The following PPP1R3A variants were observed in gnomAD, a reference collection of about 807,000 sequenced individuals.
The protein encoded by PPP1R3A is RG1.
A neutral mutation model predicts 41.7 loss-of-function variants in PPP1R3A; 29 were observed. The ratio of observed to expected loss-of-function variants is 0.70; its 90% confidence interval spans 0.52 to 0.95. The LOEUF (loss-of-function observed/expected upper bound fraction) is 0.95, where lower values mean the gene tolerates loss of function less well. Among genes scored for constraint, PPP1R3A ranks in the 40% least tolerant of loss-of-function variants. The pLI is 0.00. For missense variants in PPP1R3A, 1,352 were observed against 1,292.4 expected, an observed-to-expected ratio of 1.05 and a Z score of -0.71; for synonymous variants, 485 against 453.4, an observed-to-expected ratio of 1.07 and a Z score of -0.89.
intron 1 of PPP1R3A, among the ~76,000 whole-genome samples, chr7:113,884,288 A>T (rs918475874): frequency 6.6e-6 from 1 of 152,056 alleles, no homozygotes; most frequent in Non-Finnish European, 1.5e-5. Context: ...CAAACAGAAA[A>T]ATAAAGGGCA....
chr7:113,918,579 T>C lies in PPP1R3A; in HGVS notation c.418A>G (p.Thr140Ala), dbSNP rs201727367. The C allele has an allele frequency of 1.2e-4, 194 of 1,613,362 alleles. No individual in the cohort carries two copies. In the Admixed American group the frequency reaches 3.2e-3, roughly 27 times the overall value. The part of the protein sequence containing the change: ...LESTESLLGS[T>A]SIKGIIRVLN... ...ACTCGAATAATACCCTTGATACTTG[T>C]AGACCCAAGAAGAGACTCAGTTGAC... Residue 140 changes from threonine to alanine, a missense_variant, in exon 1 of 4, where the codon ACA becomes GCA. Coordinates refer to ENST00000284601, the MANE Select transcript of PPP1R3A (RefSeq NM_002711.4).
chr7:113,890,389 G>T (rs575795388), intron 1 of PPP1R3A, among the ~76,000 whole-genome samples: 21 of 152,128 alleles, frequency 1.4e-4, no homozygotes, highest in African/African-American at 4.8e-4. Context: ...TGGATCTACT[G>T]AATCAGCATC....
In PPP1R3A at chr7:113,882,133, T is replaced by A. The variant is rs1054166176; in HGVS notation, c.872A>T (p.His291Leu). The change falls in exon 3 of 4, where the codon CAT becomes CTT. Residue 291 changes from histidine to leucine, a missense_variant. By Grantham distance (99) the His-to-Leu change is moderately conservative (BLOSUM62 -3). Coordinates refer to ENST00000284601, the MANE Select transcript of PPP1R3A (RefSeq NM_002711.4). ...DTYIPTIICSHEDKEDLEASN... is the reference protein window; with the variant it reads ...DTYIPTIICSLEDKEDLEASN... ...GGCTTCCAAATCTTCCTTGTCCTCA[T>A]GAGAACAAATGATTGTTGGGATATA... 1 of 1,611,702 alleles carries A rather than the reference T, an allele frequency of 6.2e-7. No individual in the cohort carries two copies. The highest frequency in any genetic ancestry group is 8.5e-7 in the Non-Finnish European group (1 of 1,178,248).
intron 1 of PPP1R3A, among the ~76,000 whole-genome samples, chr7:113,913,370 A>G (rs2129121101): frequency 6.6e-6 from 1 of 152,200 alleles, no homozygotes; most frequent in Non-Finnish European, 1.5e-5. Flanking sequence ...TCATTTTCAC[A>G]ATTTTACCAC....
In PPP1R3A at chr7:113,877,182, A is replaced by G. The variant is rs1336891305; in HGVS notation, c.*541T>C. 6.6e-6 allele frequency: 1 copy of G among 152,060 alleles called. No homozygotes were observed. Among genetic ancestry groups the G allele is most frequent in the African/African-American group, 2.4e-5 (1 of 41,396 alleles). 9.4% of individuals were successfully genotyped at this position (152,060 alleles called of 1,614,324 possible). On this transcript the variant is annotated 3_prime_UTR_variant, in exon 4 of 4. Transcript: ENST00000284601. Reference sequence around the variant, plus strand: ...GTGAACAGAATATGTTTAAGTTTGCATTTCAATATATATGGGTGTTTTCTT... The same window carrying G: ...GTGAACAGAATATGTTTAAGTTTGCGTTTCAATATATATGGGTGTTTTCTT...
Position 113,896,216 on chromosome 7 carries a change from G to A in PPP1R3A, c.783-13896C>T, listed in dbSNP as rs111896174. Among the ~76,000 whole-genome samples, 528 of 151,784 alleles carry A rather than the reference G, an allele frequency of 3.5e-3. 3 individuals carry two copies. The highest frequency in any genetic ancestry group is 0.027 in the Middle Eastern group (8 of 294). On this transcript the variant is annotated intron_variant, in intron 1 of 3. Coordinates refer to ENST00000284601, the MANE Select transcript of PPP1R3A (RefSeq NM_002711.4). ...ACATTTTGTGTTACACATTTTCTTTGTCAACCCCTCACCCACACCTTTTGT... is the reference window on the plus strand; with the variant it reads ...ACATTTTGTGTTACACATTTTCTTTATCAACCCCTCACCCACACCTTTTGT...
chr7:113,917,818 T>C (rs1797366018), intron 1 of PPP1R3A, among the ~76,000 whole-genome samples: 1 of 152,094 alleles, frequency 6.6e-6, no homozygotes, highest in South Asian at 2.1e-4. Flanking sequence ...TATAGTTTTA[T>C]GTTAATCAAA....
chr7:113,890,466 C>T (rs1021501167), intron 1 of PPP1R3A, among the ~76,000 whole-genome samples: 4 of 152,142 alleles, frequency 2.6e-5, no homozygotes, highest in Non-Finnish European at 5.9e-5. Context: ...TGCACTAGTG[C>T]TTGTCTAACT....
intron 1 of PPP1R3A, among the ~76,000 whole-genome samples, chr7:113,883,684 C>A (rs1450221079): frequency 6.6e-6 from 1 of 151,898 alleles, no homozygotes; most frequent in Non-Finnish European, 1.5e-5. Flanking sequence ...TTCCCTTCTC[C>A]ATGTACATGT....
In PPP1R3A at chr7:113,916,367, T is replaced by G. The variant is rs569012253; in HGVS notation, c.782+1848A>C. On this transcript the variant is annotated intron_variant, in intron 1 of 3. Coordinates refer to ENST00000284601, the MANE Select transcript of PPP1R3A (RefSeq NM_002711.4). ...ACTGTTCTGAATACAAATGTATGTG[T>G]GGATACATATAGTTCTACATATCTT... is the stretch of plus-strand genomic sequence containing the variant. Among the ~76,000 whole-genome samples, 15 of 152,190 alleles carry G rather than the reference T, an allele frequency of 9.9e-5. No homozygotes were observed. In the East Asian group the frequency reaches 1.2e-3, roughly 12 times the overall value.
Position 113,918,430 on chromosome 7 carries a change from G to A in PPP1R3A, c.567C>T (p.Ser189=). The A allele has an allele frequency of 6.2e-7, 1 of 1,613,310 alleles. No homozygotes were observed. The highest frequency in any genetic ancestry group is 8.5e-7 in the Non-Finnish European group (1 of 1,179,664). Residue 189 remains serine (S), a synonymous_variant, in exon 1 of 4, where the codon TCC becomes TCT. Transcript: ENST00000284601. ...AAGGAGGAACCAATACAATCTTAAAGGAGAACTGGTCAGTTTCACCATCAC... is the reference window on the plus strand; with the variant it reads ...AAGGAGGAACCAATACAATCTTAAAAGAGAACTGGTCAGTTTCACCATCAC... ...NSCDGETDQF[S]FKIVLVPPYQ...
At chr7:113,914,151 A>G (rs1165150761) in intron 1 of PPP1R3A, among the ~76,000 whole-genome samples, 1 of 152,148 alleles carries the variant, frequency 6.6e-6, no homozygotes, top group Non-Finnish European at 1.5e-5. Flanking sequence ...AGGGCTTTTG[A>G]TGATATCCTC....
At chr7:113,891,349 T>C (rs1043100661) in intron 1 of PPP1R3A, among the ~76,000 whole-genome samples, 11 of 152,108 alleles carry the variant, frequency 7.2e-5, no homozygotes, top group African/African-American at 2.4e-4. Flanking sequence ...TCATTAATTC[T>C]ACATTATCAC....
intron 1 of PPP1R3A, among the ~76,000 whole-genome samples, chr7:113,886,727 T>A (rs146619317): frequency 9.2e-5 from 14 of 152,204 alleles, no homozygotes; most frequent in African/African-American, 3.4e-4. Flanking sequence ...CTGGCCCACA[T>A]TAGAGGCCAC....
intron 1 of PPP1R3A, among the ~76,000 whole-genome samples, chr7:113,905,713 ACT>A (rs1175745331): frequency 1.3e-5 from 2 of 151,700 alleles, no homozygotes; most frequent in Non-Finnish European, 2.9e-5. Flanking sequence ...AAGGACCAAG[ACT>A]CTGCAATCTC....
intron 1 of PPP1R3A, among the ~76,000 whole-genome samples, chr7:113,896,304 T>G (rs1286518380): frequency 6.6e-6 from 1 of 151,890 alleles, no homozygotes; most frequent in Admixed American, 6.6e-5. Context: ...TATACTGTTA[T>G]GGAATCTACC....
intron 1 of PPP1R3A, among the ~76,000 whole-genome samples, chr7:113,906,327 T>C (rs1336764283): frequency 6.6e-6 from 1 of 151,856 alleles, no homozygotes; most frequent in Non-Finnish European, 1.5e-5. Flanking sequence ...GCATTCTTAA[T>C]TTTTAAAATA....
At chr7:113,907,864 A>T (rs1242087111) in intron 1 of PPP1R3A, among the ~76,000 whole-genome samples, 4 of 151,828 alleles carry the variant, frequency 2.6e-5, no homozygotes, top group Non-Finnish European at 4.4e-5. Context: ...TCTTCCAGAC[A>T]CAAAAATATC....
intron 1 of PPP1R3A, among the ~76,000 whole-genome samples, chr7:113,896,837 A>T (rs933275218): frequency 5.3e-5 from 8 of 151,386 alleles, no homozygotes; most frequent in Non-Finnish European, 1.2e-4. Flanking sequence ...TGCAAAAAAA[A>T]TGAATAGACA....
Sources: gnomAD v4.1 joint callset for allele counts (sites outside exome capture counted in the v4.1 genomes callset) on GRCh38, gnomAD v4.1.1 for gene constraint, MANE v1.5 for transcripts, NCBI Gene and HGNC (gene_info 2026-07-23, HGNC 2026-07-21) for gene names.